CACNA1D: variants seen among roughly 807,000 people sequenced by gnomAD.
The protein encoded by CACNA1D is voltage-dependent L-type calcium channel subunit alpha-1D.
CACNA1D carries 55 observed loss-of-function variants against 257.1 expected under a neutral mutation model. The observed-to-expected ratio is 0.21, with a 90% confidence interval of 0.17 to 0.27. The LOEUF is 0.27. CACNA1D is among the 10% of genes least tolerant of loss of function. The probability of loss-of-function intolerance (pLI) is 1.00; values close to 1 mark genes in which losing one functional copy is unlikely to be tolerated. For synonymous variants in CACNA1D, 980 were observed against 1,014.9 expected, an observed-to-expected ratio of 0.97 and a Z score of 0.65; for missense variants, 1,876 against 2,784.0, an observed-to-expected ratio of 0.67 and a Z score of 7.34.
chr3:53,780,939 G>A (rs952161450), intron 38 of CACNA1D, among the ~76,000 whole-genome samples: 6 of 152,346 alleles, frequency 3.9e-5, no homozygotes, highest in African/African-American at 1.4e-4. Context: ...AGCCCAGGGA[G>A]ACTTGATCCA....
intron 34 of CACNA1D, among the ~76,000 whole-genome samples, chr3:53,775,408 C>A (rs2095391379): frequency 6.6e-6 from 1 of 152,126 alleles, no homozygotes; most frequent in South Asian, 2.1e-4. Context: ...AAAACCTTGA[C>A]TCTACTAAAA....
rs1471149785 is a variant in CACNA1D, at chr3:53,762,081, C to T, written c.3870C>T (p.Asp1290=). 10 of 1,601,634 alleles carry T rather than the reference C, an allele frequency of 6.2e-6. No individual in the cohort carries two copies. Among genetic ancestry groups the T allele is most frequent in the Middle Eastern group, 1.6e-4 (1 of 6,066 alleles). The change falls in exon 30 of 48, where the codon GAC becomes GAT. Residue 1290 remains aspartate, a splice_region_variant and synonymous_variant. Transcript: ENST00000350061. ...SIIDVALSEA[D]PTESENVPVP... ...TAGACGTGGCCCTCAGCGAAGCAGA[C>T]GTGAGTATGCACCTGGCGTGGCCGC...
At chr3:53,563,839 T>C (rs1234315712) in intron 3 of CACNA1D, among the ~76,000 whole-genome samples, 1 of 152,212 alleles carries the variant, frequency 6.6e-6, no homozygotes, top group Non-Finnish European at 1.5e-5. Flanking sequence ...AATGGTGCTA[T>C]ATTGAATAGT....
At chr3:53,684,917 TAAAAG>T (rs1394611836) in intron 8 of CACNA1D, among the ~76,000 whole-genome samples, 1 of 151,668 alleles carries the variant, frequency 6.6e-6, no homozygotes, top group Non-Finnish European at 1.5e-5. Context: ...ACTAAAAAGC[TAAAAG>T]AAGAGATAAA....
At chr3:53,725,866 A>G (rs529314269) in intron 14 of CACNA1D, among the ~76,000 whole-genome samples, 1 of 152,206 alleles carries the variant, frequency 6.6e-6, no homozygotes, top group South Asian at 2.1e-4. Flanking sequence ...GGAAGATAGC[A>G]TTTTTTTCAT....
intron 9 of CACNA1D, among the ~76,000 whole-genome samples, chr3:53,706,143 G>A (rs1407439028): frequency 6.6e-6 from 1 of 152,220 alleles, no homozygotes; most frequent in Non-Finnish European, 1.5e-5. Context: ...TCCTGACTTT[G>A]TCCATAATGG....
chr3:53,521,787 A>C (rs2091588384), intron 3 of CACNA1D, among the ~76,000 whole-genome samples: 1 of 151,624 alleles, frequency 6.6e-6, no homozygotes, highest in South Asian at 2.1e-4. Context: ...TCATTATAAG[A>C]ACTTAAACTA....
intron 30 of CACNA1D, among the ~76,000 whole-genome samples, chr3:53,764,415 C>T (rs962473706): frequency 2.0e-5 from 3 of 152,216 alleles, no homozygotes; most frequent in East Asian, 3.8e-4. Context: ...ATAATGGAAG[C>T]GAAAATACAA....
chr3:53,745,566 A>C, intron 23 of CACNA1D, 58 bp from the exon 24 acceptor site: 1,760 of 905,260 alleles, frequency 1.9e-3, no homozygotes, highest in Non-Finnish European at 3.0e-3. Context: ...GGCTGATGTT[A>C]GCTCACCTCA....
At chr3:53,705,137 T>A (rs1357898177) in intron 9 of CACNA1D, among the ~76,000 whole-genome samples, 1 of 152,092 alleles carries the variant, frequency 6.6e-6, no homozygotes, top group Admixed American at 6.5e-5. Context: ...GAGAAGCTGA[T>A]CCCATTGTTA....
chr3:53,505,292 G>A lies in CACNA1D; in HGVS notation c.483+3572G>A, dbSNP rs544812363. 3.1e-3 allele frequency among the ~76,000 whole-genome samples: 475 copies of A among 151,936 alleles called. 4 individuals carry two copies. The highest frequency in any genetic ancestry group is 0.01 in the Middle Eastern group (3 of 294). The stretch of plus-strand genomic sequence containing the variant: ...CCTGGCTAATATTTTTGTATTTTTA[G>A]TAGAGATGGGGTTTCACCGTGTTAG... On this transcript the variant is annotated intron_variant, in intron 3 of 47. Coordinates refer to ENST00000350061, the MANE Select transcript of CACNA1D (RefSeq NM_001128840.3).
chr3:53,598,413 TAAA>T (rs1376541209), intron 3 of CACNA1D, among the ~76,000 whole-genome samples: 1 of 134,972 alleles, frequency 7.4e-6, no homozygotes, highest in African/African-American at 2.7e-5. Context: ...CCGTCTCTAC[TAAA>T]AAAAAAAAAA....
rs115073789 is a variant in CACNA1D, at chr3:53,776,335, C to T, written c.4363-268C>T. 8.7e-3 allele frequency among the ~76,000 whole-genome samples: 1,329 copies of T among 152,276 alleles called. 22 individuals carry two copies. The highest frequency in any genetic ancestry group is 0.03 in the African/African-American group (1,227 of 41,552). On this transcript the variant is annotated intron_variant, in intron 35 of 47. Coordinates refer to ENST00000350061, the MANE Select transcript of CACNA1D (RefSeq NM_001128840.3). The stretch of plus-strand genomic sequence containing the variant: ...CAAAGCCAGTGCATATGGTGGTGAC[C>T]TAAGAGTGTGAATTATTTGGTGATA...
chr3:53,626,318 C>G (rs2093758006), intron 3 of CACNA1D, among the ~76,000 whole-genome samples: 1 of 152,156 alleles, frequency 6.6e-6, no homozygotes, highest in Admixed American at 6.5e-5. Context: ...TAGCTGAGAA[C>G]TGTGATTGAG....
At chr3:53,705,271 G>C (rs550843187) in intron 9 of CACNA1D, among the ~76,000 whole-genome samples, 1 of 152,320 alleles carries the variant, frequency 6.6e-6, no homozygotes, top group African/African-American at 2.4e-5. Flanking sequence ...CAGAGGTTGG[G>C]GGTGGGGGCT....
chr3:53,496,070 C>T (rs1413230825), intron 1 of CACNA1D, among the ~76,000 whole-genome samples: 1 of 152,244 alleles, frequency 6.6e-6, no homozygotes, highest in Non-Finnish European at 1.5e-5. Flanking sequence ...GATTGCCCGC[C>T]GCTCGCCCGC....
chr3:53,741,953 A>G (rs1348749303), intron 21 of CACNA1D, among the ~76,000 whole-genome samples: 1 of 152,204 alleles, frequency 6.6e-6, no homozygotes, highest in East Asian at 1.9e-4. Context: ...TTTCGGTAGA[A>G]TTGCTTCACC....
At chr3:53,777,304 G>C (rs565057818) in intron 37 of CACNA1D, among the ~76,000 whole-genome samples, 1 of 152,314 alleles carries the variant, frequency 6.6e-6, no homozygotes, top group East Asian at 1.9e-4. Flanking sequence ...GAGCCATTGG[G>C]TCATCCTTTG....
Position 53,639,168 on chromosome 3 carries a change from G to A in CACNA1D, c.484-11611G>A, listed in dbSNP as rs115087009. 8.6e-3 allele frequency among the ~76,000 whole-genome samples: 1,302 copies of A among 152,114 alleles called. 20 individuals are homozygous for A. The highest frequency in any genetic ancestry group is 0.03 in the African/African-American group (1,245 of 41,488). ...CTCTGCCTATTTGTTTTTTGAGACG[G>A]AGTCTTGCTCTGTTGTGTAGGCCAG... On this transcript the variant is annotated intron_variant, in intron 3 of 47. Coordinates refer to ENST00000350061, the MANE Select transcript of CACNA1D (RefSeq NM_001128840.3).
Sources: gnomAD v4.1 joint callset for allele counts (sites outside exome capture counted in the v4.1 genomes callset) on GRCh38, gnomAD v4.1.1 for gene constraint, MANE v1.5 for transcripts, NCBI Gene and HGNC (gene_info 2026-07-23, HGNC 2026-07-21) for gene names.